The following FAM83F variants were observed in gnomAD, a reference collection of about 807,000 sequenced individuals.
FAM83F encodes scaffolding CK1 anchoring protein F, also known as protein FAM83F.
In FAM83F, 45 loss-of-function variants were observed where a neutral mutation model predicts 42.9. The ratio of observed to expected loss-of-function variants is 1.05; its 90% CI spans 0.83 to 1.35. The LOEUF (loss-of-function observed/expected upper bound fraction) is 1.35, where lower values mean the gene tolerates loss of function less well. Ranked by LOEUF, FAM83F falls within the 40% of genes most tolerant of loss-of-function variation. FAM83F has a pLI of 0.00. For synonymous variants in FAM83F, 306 were observed against 298.3 expected (o/e 1.03, Z -0.27); for missense variants, 617 against 695.9 (o/e 0.89, Z 1.28).
rs1334340465 is a variant in FAM83F, at chr22:40,019,335, G to A, written c.657G>A (p.Arg219=). Residue 219 remains arginine (R), a splice_region_variant and synonymous_variant, in exon 2 of 5, where the codon CGG becomes CGA. Transcript: ENST00000333407. ...TGCAGCTCACTGACTTCCGGATTCG[G>A]GTAAGTTGCACCACTGGGGTGGAAA... ...QDLQLTDFRI[R]NIRVRSVTGV... is the part of the protein sequence containing the mutation. The A allele has an allele frequency of 1.9e-6, 3 of 1,613,362 alleles. No homozygotes were observed. The highest frequency in any genetic ancestry group is 1.6e-4 in the Middle Eastern group (1 of 6,080).
rs1312532258 is a variant in FAM83F, at chr22:40,037,928, G to C, written c.*8363G>C. ...GGATGGGGTCTTGCTATGTTGTCTAGGCTGGTCTCTAACTCCTGGGCTCAA... is the reference window on the plus strand; with the variant it reads ...GGATGGGGTCTTGCTATGTTGTCTACGCTGGTCTCTAACTCCTGGGCTCAA... On this transcript the variant is annotated 3_prime_UTR_variant, in exon 5 of 5. Coordinates refer to ENST00000333407, the MANE Select transcript of FAM83F (RefSeq NM_138435.4). 1 of 151,938 alleles carries C rather than the reference G, an allele frequency of 6.6e-6. No homozygotes were observed. Among genetic ancestry groups the C allele is most frequent in the African/African-American group, 2.4e-5 (1 of 41,336 alleles). 9.4% of individuals were successfully genotyped at this position (151,938 alleles called of 1,614,324 possible). A position where few individuals can be genotyped will look rare whatever the true frequency, so the allele number is the denominator to read the frequency against.
chr22:40,012,726 C>T (rs1314349408), intron 1 of FAM83F, among the ~76,000 whole-genome samples: 40 of 150,612 alleles, frequency 2.7e-4, no homozygotes, highest in African/African-American at 8.8e-4. Flanking sequence ...GCTGAGATCG[C>T]GCCACTGCAC....
Position 39,995,383 on chromosome 22 carries a change from C to G in FAM83F, c.341C>G (p.Thr114Ser). 1 of 1,547,050 alleles carries G rather than the reference C, an allele frequency of 6.5e-7. No individual in the cohort carries two copies. The highest frequency in any genetic ancestry group is 2.4e-5 in the East Asian group (1 of 40,888). ...GCCTACTGGCCCGACCGTTCCGACA[C>G]CGAGGTGCCTCCTCTGGACCTGGGC... is the stretch of plus-strand genomic sequence containing the variant. ...SLAYWPDRSD[T>S]EVPPLDLGWT... Residue 114 changes from threonine (T) to serine (S), a missense_variant, in exon 1 of 5, where the codon ACC becomes AGC. By Grantham distance (58) the Thr-to-Ser change is moderately conservative. Transcript: ENST00000333407. This position sits in a 1 kb window ranked among gnomAD's most constrained non-coding sequence, Gnocchi z 4.6.
chr22:40,037,244 T>G lies in FAM83F; in HGVS notation c.*7679T>G, dbSNP rs1203088983. 6.6e-6 allele frequency: 1 copy of G among 152,214 alleles called. No homozygotes were observed. Among genetic ancestry groups the G allele is most frequent in the South Asian group, 2.1e-4 (1 of 4,824 alleles). The allele number at this position is 152,214 out of a possible 1,614,324, so 9.4% of individuals were successfully genotyped here. A position where few individuals can be genotyped will look rare whatever the true frequency, so the allele number is the denominator to read the frequency against. ...AAAATTAGCCTGGTGTGGTGGCACA[T>G]GCCTGTAATCCCAGCTACTCGGGAG... On this transcript the variant is annotated 3_prime_UTR_variant, in exon 5 of 5. Transcript: ENST00000333407.
At chr22:40,012,254 C>T (rs1196031836) in intron 1 of FAM83F, among the ~76,000 whole-genome samples, 1 of 151,998 alleles carries the variant, frequency 6.6e-6, no homozygotes, top group Non-Finnish European at 1.5e-5. Flanking sequence ...CTTGCCTCAG[C>T]CTCCCGAGTA....
intron 4 of FAM83F, among the ~76,000 whole-genome samples, chr22:40,027,081 C>A (rs931437278): frequency 1.3e-5 from 2 of 152,082 alleles, no homozygotes; most frequent in African/African-American, 4.8e-5. Context: ...GAACATGGTC[C>A]TTGCTTTTAT....
intron 4 of FAM83F, among the ~76,000 whole-genome samples, chr22:40,022,378 T>G (rs2067528326): frequency 1.3e-5 from 2 of 152,214 alleles, no homozygotes; most frequent in Non-Finnish European, 2.9e-5. Context: ...TGGCTGCAGC[T>G]CGACCCTGGC....
intron 1 of FAM83F, among the ~76,000 whole-genome samples, chr22:40,003,942 G>A (rs893307408): frequency 4.6e-5 from 7 of 152,040 alleles, no homozygotes; most frequent in Admixed American, 2.6e-4. Context: ...CAGGAGATGG[G>A]GGTGCGGAGG....
At chr22:40,018,588 G>T (rs370333749) in intron 1 of FAM83F, among the ~76,000 whole-genome samples, 1 of 149,062 alleles carries the variant, frequency 6.7e-6, no homozygotes, top group Non-Finnish European at 1.5e-5. Context: ...ACAGGTGCCT[G>T]CCACCACGCC....
At position 40,024,656 on chromosome 22, in the gene FAM83F, T is replaced by C. The variant is rs866474736; in HGVS notation, c.1453+2693T>C. 2.1e-4 allele frequency among the ~76,000 whole-genome samples: 32 copies of C among 152,210 alleles called. No individual in the cohort carries two copies. The Middle Eastern group carries it at 0.01, about 49-fold the overall frequency. ...ATCTAGAAGGTGGGGGAGTGCACCATTGAGGGTTTCCGAGGTCCCCTGGAG... is the reference window on the plus strand; with the variant it reads ...ATCTAGAAGGTGGGGGAGTGCACCACTGAGGGTTTCCGAGGTCCCCTGGAG... On this transcript the variant is annotated intron_variant, in intron 4 of 4. Transcript: ENST00000333407.
chr22:40,011,727 A>G (rs916802486), intron 1 of FAM83F, among the ~76,000 whole-genome samples: 1 of 152,214 alleles, frequency 6.6e-6, no homozygotes, highest in Non-Finnish European at 1.5e-5. Context: ...AAAACATTCT[A>G]TCACATTCCT....
intron 1 of FAM83F, among the ~76,000 whole-genome samples, chr22:40,008,011 G>A (rs886974787): frequency 6.6e-6 from 1 of 152,236 alleles, no homozygotes; most frequent in Non-Finnish European, 1.5e-5. Context: ...TCTGGCAGCG[G>A]TTTTCTTAGC....
Position 40,034,395 on chromosome 22 carries a change from C to T in FAM83F, c.*4830C>T, listed in dbSNP as rs924051620. The stretch of plus-strand genomic sequence containing the variant: ...GAAGGGCAAGAAGGGCAGGCACAGC[C>T]GTGAGTATGTTCTGGGGCTAAGTAA... On this transcript the variant is annotated 3_prime_UTR_variant, in exon 5 of 5. Transcript: ENST00000333407. 3 of 152,404 alleles carry T rather than the reference C, an allele frequency of 2.0e-5. No individual in the cohort carries two copies. Among genetic ancestry groups the T allele is most frequent in the African/African-American group, 7.2e-5 (3 of 41,452 alleles). 9.4% of individuals were successfully genotyped at this position (152,404 alleles called of 1,614,324 possible).
At chr22:40,006,512 G>A (rs576679722) in intron 1 of FAM83F, among the ~76,000 whole-genome samples, 2 of 152,324 alleles carry the variant, frequency 1.3e-5, no homozygotes, top group East Asian at 3.9e-4. Context: ...GACAATCCTG[G>A]GACAGCCCTG....
chr22:40,001,004 C>T (rs2067398345), intron 1 of FAM83F, among the ~76,000 whole-genome samples: 1 of 152,200 alleles, frequency 6.6e-6, no homozygotes, highest in South Asian at 2.1e-4. Context: ...TGCATTAAGG[C>T]TGGTGGATAA....
At chr22:40,016,654 A>G (rs1469752098) in intron 1 of FAM83F, among the ~76,000 whole-genome samples, 1 of 151,686 alleles carries the variant, frequency 6.6e-6, no homozygotes, top group Non-Finnish European at 1.5e-5. Flanking sequence ...TTTTAATTTT[A>G]TTATTTTATT....
At position 40,029,853 on chromosome 22, in the gene FAM83F, C is replaced by A; in HGVS notation, c.*288C>A. ...ACCAGTGTCTGCTCGCCTTTGTGCC[C>A]CACCCCCTCCGCTGATTGCCAGATG... is the stretch of plus-strand genomic sequence containing the variant. On this transcript the variant is annotated 3_prime_UTR_variant, in exon 5 of 5. Transcript: ENST00000333407. The A allele has an allele frequency of 2.6e-6, 1 of 378,194 alleles. No individual in the cohort carries two copies. Among genetic ancestry groups the A allele is most frequent in the Non-Finnish European group, 4.9e-6 (1 of 204,762 alleles). 23.4% of individuals were successfully genotyped at this position (378,194 alleles called of 1,614,324 possible).
At chr22:40,001,354 A>G (rs1234239870) in intron 1 of FAM83F, among the ~76,000 whole-genome samples, 2 of 152,142 alleles carry the variant, frequency 1.3e-5, no homozygotes, top group Non-Finnish European at 2.9e-5. Flanking sequence ...GCTTTGAAAA[A>G]CAAGGGAGGG....
intron 1 of FAM83F, among the ~76,000 whole-genome samples, chr22:40,015,465 G>A (rs1569233185): frequency 6.6e-6 from 1 of 152,198 alleles, no homozygotes; most frequent in Non-Finnish European, 1.5e-5. Flanking sequence ...CCCTTTGTTT[G>A]TGCTGTGCCC....
Sources: gnomAD v4.1 joint callset for allele counts (sites outside exome capture counted in the v4.1 genomes callset) on GRCh38, gnomAD v4.1.1 for gene constraint, Gnocchi (gnomAD v3.1) non-coding constraint, MANE v1.5 for transcripts, NCBI Gene and HGNC (gene_info 2026-07-23, HGNC 2026-07-21) for gene names.